CLIP2: variants seen among roughly 807,000 people sequenced by gnomAD.
The protein encoded by CLIP2 is CAP-Gly domain-containing linker protein 2.
In CLIP2, 41 loss-of-function variants were observed where a neutral mutation model predicts 111.7. The observed-to-expected ratio is 0.37, with a 90% CI of 0.29 to 0.48. The LOEUF (loss-of-function observed/expected upper bound fraction) is 0.48. Ranked by LOEUF, CLIP2 falls within the 20% of genes least tolerant of loss-of-function variation. CLIP2 has a pLI of 0.99. For missense variants in CLIP2, 1,160 were observed against 1,422.1 expected, an observed-to-expected ratio of 0.82 and a Z score of 2.96; for synonymous variants, 660 against 644.2, an observed-to-expected ratio of 1.02 and a Z score of -0.37.
At chr7:74,321,144 G>T (rs1788940289) in intron 2 of CLIP2, among the ~76,000 whole-genome samples, 1 of 152,136 alleles carries the variant, frequency 6.6e-6, no homozygotes, top group Non-Finnish European at 1.5e-5. Flanking sequence ...ATGGGATCAA[G>T]CGAGTTAATG....
At chr7:74,306,587 C>T (rs1196899731) in intron 1 of CLIP2, among the ~76,000 whole-genome samples, 1 of 152,190 alleles carries the variant, frequency 6.6e-6, no homozygotes, top group Non-Finnish European at 1.5e-5. Context: ...GAGGCTGCAG[C>T]CCGCCACCCC....
intron 11 of CLIP2, among the ~76,000 whole-genome samples, chr7:74,386,100 T>G (rs2116680933): frequency 7.0e-6 from 1 of 142,880 alleles, no homozygotes; most frequent in Non-Finnish European, 1.5e-5. Flanking sequence ...CAGGCTGGAG[T>G]GCAATGGCGC....
At chr7:74,326,638 ATT>A (rs879951400) in intron 2 of CLIP2, among the ~76,000 whole-genome samples, 12 of 136,522 alleles carry the variant, frequency 8.8e-5, no homozygotes, top group Non-Finnish European at 1.1e-4. Flanking sequence ...GGCCCAGAGC[ATT>A]TTTTTTTTTT....
chr7:74,357,801 G>T (rs1482269785), intron 6 of CLIP2, among the ~76,000 whole-genome samples: 4 of 150,310 alleles, frequency 2.7e-5, no homozygotes, highest in Non-Finnish European at 5.9e-5. Flanking sequence ...CTGTCACCCA[G>T]GCTGGGGTGT....
intron 6 of CLIP2, 105 bp from the exon 7 acceptor site, chr7:74,360,070 T>A (rs1455737911): frequency 1.1e-6 from 1 of 886,588 alleles, no homozygotes; most frequent in East Asian, 2.8e-5. Flanking sequence ...TTGGGGTGAC[T>A]GGGGTTCCAG....
chr7:74,387,326 G>A (rs1395664969), intron 12 of CLIP2, among the ~76,000 whole-genome samples: 1 of 152,094 alleles, frequency 6.6e-6, no homozygotes, highest in Non-Finnish European at 1.5e-5. Context: ...TCAGCTCACT[G>A]AAACCTCCAC....
intron 1 of CLIP2, among the ~76,000 whole-genome samples, chr7:74,297,354 A>G (rs1258985568): frequency 1.3e-5 from 2 of 151,970 alleles, no homozygotes; most frequent in Non-Finnish European, 2.9e-5. Context: ...GCCTGCCTGT[A>G]GTGCCACTGG....
At chr7:74,320,471 T>C (rs1788918327) in intron 2 of CLIP2, among the ~76,000 whole-genome samples, 1 of 151,742 alleles carries the variant, frequency 6.6e-6, no homozygotes, top group Non-Finnish European at 1.5e-5. Flanking sequence ...GCGGTGAGTT[T>C]TGATCACACC....
chr7:74,379,293 C>T (rs1194055050), intron 10 of CLIP2, among the ~76,000 whole-genome samples: 5 of 151,456 alleles, frequency 3.3e-5, no homozygotes, highest in African/African-American at 4.9e-5. Context: ...CGTGCCACTG[C>T]ACTCCGGCCT....
chr7:74,401,663 C>A, intron 16 of CLIP2, 96 bp downstream of exon 16: 1 of 1,266,276 alleles, frequency 7.9e-7, no homozygotes, highest in Non-Finnish European at 1.1e-6. Context: ...CACAAAGATG[C>A]ATTCTGCAAG....
rs987651100 is a variant in CLIP2 at position 74,322,427 on chromosome 7, G to A, written c.121+4760G>A. 1.2e-4 allele frequency among the ~76,000 whole-genome samples: 18 copies of A among 151,928 alleles called. No homozygotes were observed. In the East Asian group the frequency reaches 2.3e-3, roughly 20 times the overall value. The stretch of plus-strand genomic sequence containing the variant: ...TCGAGACCAGCCTGGGCAACATGGC[G>A]AAACCCCATCTCTACTAAAAATACA... On this transcript the variant is annotated intron_variant, in intron 2 of 16. Coordinates refer to ENST00000223398, the MANE Select transcript of CLIP2 (RefSeq NM_003388.5).
intron 9 of CLIP2, 35 bp downstream of exon 9, chr7:74,373,071 C>T: frequency 7.0e-7 from 1 of 1,430,418 alleles, no homozygotes; most frequent in Non-Finnish European, 9.6e-7. Flanking sequence ...GGCCCGCCAG[C>T]CACCTTGCCC....
intron 2 of CLIP2, among the ~76,000 whole-genome samples, chr7:74,336,847 GTTTGTTTTTTTTGTTTTTT>G (rs1273297317): frequency 1.7e-4 from 4 of 23,544 alleles, no homozygotes; most frequent in South Asian, 1.6e-3. Context: ...TACTATGGTT[GTTTGTTTTTTTTGTTTTTT>G]TTTTTTTTGT....
intron 8 of CLIP2, among the ~76,000 whole-genome samples, chr7:74,366,155 C>T (rs561095663): frequency 2.0e-5 from 3 of 152,208 alleles, no homozygotes; most frequent in African/African-American, 7.2e-5. Flanking sequence ...TATCACCCCA[C>T]CTCTCTGCCT....
In CLIP2 at chr7:74,404,760, G is replaced by A; in HGVS notation, c.*912G>A. ...AAAATATCTGCATCCACCTGGAGAT[G>A]CAGCTAAGTGGGTCCTTATGTACAC... On this transcript the variant is annotated 3_prime_UTR_variant, in exon 17 of 17. Coordinates refer to ENST00000223398, the MANE Select transcript of CLIP2 (RefSeq NM_003388.5). 6.6e-6 allele frequency: 1 copy of A among 152,252 alleles called. No individual in the cohort carries two copies. Among genetic ancestry groups the A allele is most frequent in the East Asian group, 1.9e-4 (1 of 5,182 alleles). 9.4% of individuals were successfully genotyped at this position (152,252 alleles called of 1,614,324 possible). A position where few individuals can be genotyped will look rare whatever the true frequency, so the allele number is the denominator to read the frequency against.
At chr7:74,331,527 T>C (rs1370323186) in intron 2 of CLIP2, among the ~76,000 whole-genome samples, 1 of 151,218 alleles carries the variant, frequency 6.6e-6, no homozygotes, top group East Asian at 1.9e-4. Context: ...TTTCTTTCTT[T>C]CTTTTCTTTT....
intron 1 of CLIP2, among the ~76,000 whole-genome samples, chr7:74,297,590 T>A (rs926172195): frequency 6.6e-6 from 1 of 152,088 alleles, no homozygotes; most frequent in Admixed American, 6.6e-5. Context: ...TCACTGCCTG[T>A]TCCTTTGTTT....
Position 74,332,460 on chromosome 7 carries a change from C to CT in CLIP2, c.122-5968dup, listed in dbSNP as rs386410474. Among the ~76,000 whole-genome samples, 424 of 110,318 alleles carry CT rather than the reference C, an allele frequency of 3.8e-3. 6 individuals are homozygous for CT. The highest frequency in any genetic ancestry group is 7.4e-3 in the Admixed American group (67 of 8,994). 72.4% of individuals were successfully genotyped at this position (110,318 alleles called of 152,430 possible). A position where few individuals can be genotyped will look rare whatever the true frequency, so the allele number is the denominator to read the frequency against. On this transcript the variant is annotated intron_variant, in intron 2 of 16. Coordinates refer to ENST00000223398, the MANE Select transcript of CLIP2 (RefSeq NM_003388.5). ...ATGCCTCACTGCAGCCTAGAATTCT[C>CT]TTTTTTTTTTTTTTTTTTTTAGAGA...
At chr7:74,389,588 TAAAAAA>T (rs149173666) in intron 13 of CLIP2, among the ~76,000 whole-genome samples, 1 of 104,662 alleles carries the variant, frequency 9.6e-6, no homozygotes, top group Non-Finnish European at 1.9e-5. Context: ...CCCCTATCTC[TAAAAAA>T]AAAAAAAAAA....
Sources: allele counts gnomAD v4.1 joint callset (sites outside exome capture counted in the v4.1 genomes callset), GRCh38; gene constraint gnomAD v4.1.1; transcripts MANE v1.5; gene names NCBI Gene and HGNC (gene_info 2026-07-23, HGNC 2026-07-21).